The following ANKFY1 variants were observed in gnomAD, a reference collection of about 807,000 sequenced individuals.
ANKFY1 encodes the protein ankyrin repeat and FYVE domain containing 1.
In ANKFY1, 47 loss-of-function variants were observed where a neutral mutation model predicts 128.3. That is an observed-to-expected ratio of 0.37 (90% CI 0.29 to 0.47). ANKFY1 has a LOEUF of 0.47. Among genes scored for constraint, ANKFY1 ranks in the 20% least tolerant of loss-of-function variants. ANKFY1 has a pLI of 1.00. For synonymous variants in ANKFY1, 553 were observed against 601.6 expected (o/e 0.92, Z 1.18); for missense variants, 1,222 against 1,510.6 (o/e 0.81, Z 3.17).
intron 7 of ANKFY1, among the ~76,000 whole-genome samples, chr17:4,200,063 A>G (rs1246488857): frequency 7.0e-6 from 1 of 142,958 alleles, no homozygotes; most frequent in African/African-American, 2.5e-5. Context: ...GGTTTTGGGG[A>G]TTTTTTTTTT....
rs1458139060 is a variant in ANKFY1 at position 4,225,041 on chromosome 17, ATTTG to A, written c.323-7927_323-7924del. Reference sequence around the variant, plus strand: ...TTTTAAACACTTGAAAAATTAAAGGATTTGTTTTATATTTAAAAAAAAAAACTTT... The same window carrying A: ...TTTTAAACACTTGAAAAATTAAAGGATTTTATATTTAAAAAAAAAAACTTT... On this transcript the variant is annotated intron_variant, in intron 3 of 24. Coordinates refer to ENST00000341657, the MANE Select transcript of ANKFY1 (RefSeq NM_001330063.2). Among the ~76,000 whole-genome samples, 3 of 142,470 alleles carry A rather than the reference ATTTG, an allele frequency of 2.1e-5. No individual in the cohort carries two copies. The Admixed American group carries it at 2.3e-4, about 11-fold the overall frequency. The allele number at this position is 142,470 out of a possible 152,430, so 93.5% of individuals were successfully genotyped here. A position where few individuals can be genotyped will look rare whatever the true frequency, so the allele number is the denominator to read the frequency against.
intron 4 of ANKFY1, among the ~76,000 whole-genome samples, chr17:4,213,575 T>TC (rs1459007468): frequency 6.7e-6 from 1 of 148,826 alleles, no homozygotes; most frequent in African/African-American, 2.5e-5. Context: ...TCTTTTTTTT[T>TC]TTTTTTTCCA....
chr17:4,193,419 C>CT (rs34747890), intron 10 of ANKFY1, among the ~76,000 whole-genome samples: 12,062 of 107,138 alleles, frequency 0.11, 1,989 homozygotes, highest in Non-Finnish European at 0.15. Context: ...CCAGTCGACT[C>CT]TTTTTTTTTT....
chr17:4,247,994 C>T (rs909203531), intron 1 of ANKFY1, among the ~76,000 whole-genome samples: 1 of 152,232 alleles, frequency 6.6e-6, no homozygotes, highest in African/African-American at 2.4e-5. Flanking sequence ...TCCCTGCACA[C>T]TGATAGCCCA....
At chr17:4,201,861 C>G (rs1200937095) in intron 7 of ANKFY1, among the ~76,000 whole-genome samples, 1 of 152,060 alleles carries the variant, frequency 6.6e-6, no homozygotes, top group Non-Finnish European at 1.5e-5. Flanking sequence ...CGCAGAGGGT[C>G]CTACTCTGTA....
At chr17:4,257,197 T>C (rs1047884950) in intron 1 of ANKFY1, among the ~76,000 whole-genome samples, 2 of 152,204 alleles carry the variant, frequency 1.3e-5, no homozygotes, top group South Asian at 4.1e-4. Flanking sequence ...CTGTCTTTCA[T>C]ACGTTCTGTG....
In ANKFY1 at chr17:4,217,094, G is replaced by A. The variant is rs755556651; in HGVS notation, c.347C>T (p.Thr116Ile). Residue 116 changes from threonine (T) to isoleucine (I), a missense_variant, in exon 4 of 25, where the codon ACA becomes ATA. Coordinates refer to ENST00000341657, the MANE Select transcript of ANKFY1 (RefSeq NM_001330063.2). ...LSDANPEVTM[T>I]MLRWIYTDEL... is the part of the protein sequence containing the mutation. The stretch of plus-strand genomic sequence containing the variant: ...ATCTGTATAGATCCAGCGAAGCATT[G>A]TCATCGTCACCTCAGGATTAGCATC... 6.2e-7 allele frequency: 1 copy of A among 1,612,500 alleles called. No homozygotes were observed. Among genetic ancestry groups the A allele is most frequent in the African/African-American group, 1.3e-5 (1 of 74,890 alleles).
chr17:4,223,123 A>C (rs2143113703), intron 3 of ANKFY1: 2 of 758,464 alleles, frequency 2.6e-6, no homozygotes, highest in East Asian at 5.1e-5. Flanking sequence ...GCATTGGTCG[A>C]AACAAAGATC....
chr17:4,208,231 A>C, intron 5 of ANKFY1, 149 bp from the exon 6 acceptor site: 1 of 645,244 alleles, frequency 1.5e-6, no homozygotes, highest in Non-Finnish European at 2.4e-6. Flanking sequence ...AAACCCAATG[A>C]AGTAAGTACT....
intron 1 of ANKFY1, among the ~76,000 whole-genome samples, chr17:4,254,229 G>C (rs539884433): frequency 1.1e-4 from 17 of 150,100 alleles, no homozygotes; most frequent in African/African-American, 4.2e-4. Context: ...GCCTGAACCT[G>C]GGAGGCGGAG....
At position 4,184,903 on chromosome 17, in the gene ANKFY1, C is replaced by T. The variant is rs569337073; in HGVS notation, c.1614G>A (p.Ala538=). 1.5e-5 allele frequency: 24 copies of T among 1,614,076 alleles called. No homozygotes were observed. Among genetic ancestry groups the T allele is most frequent in the South Asian group, 1.2e-4 (11 of 91,090 alleles). Residue 538 remains alanine (A), a synonymous_variant, in exon 12 of 25, where the codon GCG becomes GCA. Transcript: ENST00000341657. ...GTGGCGTCTGCAGATGGACGCTGTC[C>T]GCCAAGCTGGTCAGGGATGCGGCCT... The part of the protein sequence containing the change: ...PKEAASLTSL[A]DSVHLQTPLH...
intron 3 of ANKFY1, among the ~76,000 whole-genome samples, chr17:4,229,946 C>A (rs2060487545): frequency 6.6e-6 from 1 of 152,204 alleles, no homozygotes; most frequent in African/African-American, 2.4e-5. Flanking sequence ...TCCACCTTTG[C>A]AGGGAGAAAT....
intron 5 of ANKFY1, among the ~76,000 whole-genome samples, chr17:4,208,863 A>G (rs2060073932): frequency 6.6e-6 from 1 of 152,162 alleles, no homozygotes. Context: ...GTTTGAGACC[A>G]GCCTGACCAA....
chr17:4,178,612 G>A lies in ANKFY1; in HGVS notation c.2598+245C>T, dbSNP rs2059450905. 5 of 555,216 alleles carry A rather than the reference G, an allele frequency of 9.0e-6. No homozygotes were observed. The East Asian group carries it at 9.3e-5, about 10-fold the overall frequency. 34.4% of individuals were successfully genotyped at this position (555,216 alleles called of 1,614,324 possible). On this transcript the variant is annotated intron_variant, in intron 18 of 24. Transcript: ENST00000341657. The surrounding 1 kb of genome is among the most constrained non-coding windows in gnomAD (Gnocchi z 4.1). ...ACTGTACATGCCACAGAATTCCTAC[G>A]ATGGAGCCCACTGCCTCCGCTTCCA...
Position 4,206,351 on chromosome 17 carries a change from A to G in ANKFY1, c.868T>C (p.Trp290Arg). The G allele has an allele frequency of 6.2e-7, 1 of 1,614,126 alleles. No homozygotes were observed. The highest frequency in any genetic ancestry group is 1.1e-5 in the South Asian group (1 of 91,084). The change falls in exon 7 of 25, where the codon TGG becomes CGG. Residue 290 changes from tryptophan to arginine, a missense_variant. Trp to Arg is a moderately radical substitution (Grantham distance 101, BLOSUM62 -3). Transcript: ENST00000341657. ...ADVDMVDKSGWSLLHKGIQRG... is the reference protein window; with the variant it reads ...ADVDMVDKSGRSLLHKGIQRG... ...TGGATTCCTTTGTGTAACAAGCTCCAGCCACTCTTGTCCACCATGTCCACA... is the reference window on the plus strand; with the variant it reads ...TGGATTCCTTTGTGTAACAAGCTCCGGCCACTCTTGTCCACCATGTCCACA...
In ANKFY1 at chr17:4,170,722, T is replaced by G; in HGVS notation, c.3279A>C (p.Arg1093=). ...AGAGAGCGGGCCACTCACCCAGCAG[T>G]CGGAACAGGAGCTGCTTGGTGGCGA... The part of the protein sequence containing the change: ...YQVATKQLLF[R]LLDMLSKEPP... The change falls in exon 23 of 25, where the codon CGA becomes CGC. Residue 1093 remains arginine, a synonymous_variant. Coordinates refer to ENST00000341657, the MANE Select transcript of ANKFY1 (RefSeq NM_001330063.2). 6.2e-7 allele frequency: 1 copy of G among 1,609,730 alleles called. No homozygotes were observed. The highest frequency in any genetic ancestry group is 1.1e-5 in the South Asian group (1 of 90,340).
chr17:4,168,120 A>C, intron 24 of ANKFY1: 1 of 485,158 alleles, frequency 2.1e-6, no homozygotes, highest in Non-Finnish European at 3.6e-6. Context: ...AAGTTAAAGC[A>C]ATACTGAAGA....
chr17:4,189,424 GA>G lies in ANKFY1; in HGVS notation c.1427del (p.Phe476SerfsTer59). 1.3e-6 allele frequency: 2 copies of G among 1,594,422 alleles called. No homozygotes were observed. Among genetic ancestry groups the G allele is most frequent in the Non-Finnish European group, 1.7e-6 (2 of 1,168,010 alleles). ...AGAGNEAAAL[F>X]LATNGAHVNH... is the part of the protein sequence containing the mutation. ...TGACATGGGCACCGTTGGTTGCCAG[GA>G]AAAGAGCTGCTGCCTCGTTTCCTGC... On this transcript the variant is annotated frameshift_variant, in exon 11 of 25. Coordinates refer to ENST00000341657, the MANE Select transcript of ANKFY1 (RefSeq NM_001330063.2). LOFTEE classifies it high-confidence loss of function.
intron 19 of ANKFY1, 27 bp from the exon 20 acceptor site, chr17:4,174,083 C>T (rs747651325): frequency 1.2e-6 from 2 of 1,609,616 alleles, no homozygotes; most frequent in Non-Finnish European, 1.7e-6. Flanking sequence ...CATGAACAGT[C>T]AGTCTCTCTG....
Sources: gnomAD v4.1 joint callset for allele counts (sites outside exome capture counted in the v4.1 genomes callset) on GRCh38, gnomAD v4.1.1 for gene constraint, Gnocchi (gnomAD v3.1) non-coding constraint, MANE v1.5 for transcripts, NCBI Gene and HGNC (gene_info 2026-07-23, HGNC 2026-07-21) for gene names.